ADAM22: variants seen among roughly 807,000 people sequenced by gnomAD.
ADAM22 encodes ADAM metallopeptidase domain 22, also known as disintegrin and metalloproteinase domain-containing protein 22.
ADAM22 carries 65 observed loss-of-function variants against 144.6 expected under a neutral mutation model. That is an observed-to-expected ratio of 0.45 (90% CI 0.37 to 0.55). The LOEUF is 0.55. Among genes scored for constraint, ADAM22 ranks in the 20% least tolerant of loss-of-function variants. The pLI, the probability that ADAM22 is intolerant of heterozygous loss-of-function variation, is 0.00. For missense variants in ADAM22, 974 were observed against 1,184.9 expected, an observed-to-expected ratio of 0.82 and a Z score of 2.61; for synonymous variants, 391 against 412.6, an observed-to-expected ratio of 0.95 and a Z score of 0.63.
Position 88,186,636 on chromosome 7 carries a change from A to C in ADAM22, c.2685A>C (p.Lys895Asn). The change falls in exon 30 of 32, where the codon AAA (lysine) becomes AAC (asparagine). Residue 895 changes from lysine (K) to asparagine (N), a missense_variant. This residue lies in a region of ADAM22 where 734 missense variants were observed against 950.6 expected (regional missense o/e 0.77). Transcript: ENST00000413139. ...NSTEYLNPWF[K>N]RDYNVAKWVE... ...GCAGGTATTTAAACCCATGGTTCAAAAGAGACTATAATGTAGCTAAGTGGG... is the reference window on the plus strand; with the variant it reads ...GCAGGTATTTAAACCCATGGTTCAACAGAGACTATAATGTAGCTAAGTGGG... 1 of 1,612,014 alleles carries C rather than the reference A, an allele frequency of 6.2e-7. No individual in the cohort carries two copies. Among genetic ancestry groups the C allele is most frequent in the African/African-American group, 1.3e-5 (1 of 75,008 alleles).
intron 21 of ADAM22, among the ~76,000 whole-genome samples, chr7:88,154,469 T>C (rs1388926532): frequency 6.6e-6 from 1 of 152,172 alleles, no homozygotes; most frequent in Non-Finnish European, 1.5e-5. Context: ...AAGCCCAGCT[T>C]GGGAAACACT....
Position 88,165,824 on chromosome 7 carries a change from G to A in ADAM22, c.2077-8G>A, listed in dbSNP as rs375717148. 18 of 1,585,102 alleles carry A rather than the reference G, an allele frequency of 1.1e-5. No individual in the cohort carries two copies. The highest frequency in any genetic ancestry group is 1.5e-5 in the Non-Finnish European group (18 of 1,164,550). ...TGACATTTACTCTAGCTTGATTTTG[G>A]ATCTCAGGTTTGCAGTAATGAGCTG... On this transcript the variant is annotated splice_polypyrimidine_tract_variant and splice_region_variant and intron_variant, in intron 23 of 31. Transcript: ENST00000413139.
intron 29 of ADAM22, among the ~76,000 whole-genome samples, chr7:88,183,307 TA>T (rs1847540885): frequency 6.6e-6 from 1 of 152,220 alleles, no homozygotes; most frequent in Non-Finnish European, 1.5e-5. Context: ...AAGAGCTCCT[TA>T]ACTTATTTTA....
chr7:88,193,390 T>C (rs1003011899), intron 31 of ADAM22, 151 bp downstream of exon 31: 17 of 955,678 alleles, frequency 1.8e-5, no homozygotes, highest in African/African-American at 3.3e-5. Flanking sequence ...TTGAGACTTT[T>C]GGCTTCAGAT....
Position 88,180,681 on chromosome 7 carries a change from T to C in ADAM22, c.2496-824T>C, listed in dbSNP as rs1846784227. On this transcript the variant is annotated intron_variant, in intron 27 of 31. Transcript: ENST00000413139. ...CTATAAAAGAGTTTAAAATATCCAT[T>C]TGAATAATTCCCAGATTTTAGAAAA... Among the ~76,000 whole-genome samples the C allele has an allele frequency of 2.6e-5, 4 of 152,298 alleles. No homozygotes were observed. In the South Asian group the frequency reaches 8.3e-4, roughly 32 times the overall value.
intron 2 of ADAM22, among the ~76,000 whole-genome samples, chr7:87,977,178 A>G (rs1313883203): frequency 2.0e-5 from 3 of 152,162 alleles, no homozygotes; most frequent in Non-Finnish European, 4.4e-5. Context: ...TCCCATACCT[A>G]CTTCTTTAGG....
chr7:87,946,428 C>A (rs1275382198), intron 2 of ADAM22, among the ~76,000 whole-genome samples: 1 of 152,108 alleles, frequency 6.6e-6, no homozygotes, highest in African/African-American at 2.4e-5. Context: ...TTTGAGGACT[C>A]GGTCATAAAT....
intron 31 of ADAM22, among the ~76,000 whole-genome samples, chr7:88,194,449 A>G (rs1009567829): frequency 6.6e-6 from 1 of 152,120 alleles, no homozygotes; most frequent in African/African-American, 2.4e-5. Flanking sequence ...GCAGAATCCT[A>G]CCAAATACAC....
intron 2 of ADAM22, among the ~76,000 whole-genome samples, chr7:87,964,968 G>C (rs1336904726): frequency 3.9e-5 from 6 of 152,166 alleles, no homozygotes; most frequent in Non-Finnish European, 8.8e-5. Context: ...TTCTCAGAGA[G>C]GGCTGGTAGT....
intron 2 of ADAM22, among the ~76,000 whole-genome samples, chr7:87,954,404 C>T (rs1008041038): frequency 1.4e-4 from 21 of 152,078 alleles, no homozygotes; most frequent in East Asian, 5.8e-4. Flanking sequence ...ACTTATGAAG[C>T]TTACTTTGGC....
intron 5 of ADAM22, among the ~76,000 whole-genome samples, chr7:88,112,424 C>A (rs1300753744): frequency 1.3e-5 from 2 of 152,196 alleles, no homozygotes; most frequent in Admixed American, 1.3e-4. Flanking sequence ...AAGACAAATA[C>A]TAGTTTATGT....
intron 25 of ADAM22, among the ~76,000 whole-genome samples, chr7:88,170,635 C>T (rs1844092084): frequency 6.6e-6 from 1 of 151,902 alleles, no homozygotes; most frequent in South Asian, 2.1e-4. Flanking sequence ...TGCCCGTTAT[C>T]AAACGTGATA....
At chr7:88,039,257 C>T (rs543424823) in intron 3 of ADAM22, among the ~76,000 whole-genome samples, 5 of 151,096 alleles carry the variant, frequency 3.3e-5, no homozygotes, top group Non-Finnish European at 7.4e-5. Flanking sequence ...TCCTGGCTAA[C>T]ACGGTGAAAC....
intron 3 of ADAM22, among the ~76,000 whole-genome samples, chr7:88,044,161 C>T (rs1385347131): frequency 6.6e-6 from 1 of 152,172 alleles, no homozygotes; most frequent in Admixed American, 6.5e-5. Context: ...TGACTGCTCT[C>T]AAATATTACA....
chr7:87,955,194 G>T (rs1268472198), intron 2 of ADAM22, among the ~76,000 whole-genome samples: 5 of 152,306 alleles, frequency 3.3e-5, no homozygotes, highest in African/African-American at 7.2e-5. Flanking sequence ...GCGTTCCTTT[G>T]GAGGAGGAGA....
At chr7:87,937,852 A>C (rs1841596514) in intron 2 of ADAM22, among the ~76,000 whole-genome samples, 1 of 152,244 alleles carries the variant, frequency 6.6e-6, no homozygotes, top group South Asian at 2.1e-4. Context: ...TATAGTAATT[A>C]TTACAAAACG....
chr7:88,056,357 C>A (rs528757686), intron 3 of ADAM22, among the ~76,000 whole-genome samples: 20 of 152,264 alleles, frequency 1.3e-4, no homozygotes, highest in South Asian at 8.3e-4. Context: ...GGATTCTTTT[C>A]ACTTGGATGC....
intron 2 of ADAM22, among the ~76,000 whole-genome samples, chr7:87,941,057 C>T (rs560546811): frequency 6.6e-6 from 1 of 152,102 alleles, no homozygotes; most frequent in Admixed American, 6.5e-5. Flanking sequence ...GTGTTTTCAC[C>T]CCATACATTT....
chr7:88,001,976 T>C (rs1440696392), intron 3 of ADAM22, among the ~76,000 whole-genome samples: 2 of 152,086 alleles, frequency 1.3e-5, no homozygotes, highest in Admixed American at 6.6e-5. Flanking sequence ...GGTTTTTTTT[T>C]ACTTTAAAAT....
Sources: allele counts gnomAD v4.1 joint callset (sites outside exome capture counted in the v4.1 genomes callset), GRCh38; gene constraint gnomAD v4.1.1; regional missense constraint gnomAD v4.1.1; transcripts MANE v1.5; gene names NCBI Gene and HGNC (gene_info 2026-07-23, HGNC 2026-07-21).